The following SLC35F1 variants were observed in gnomAD, a reference collection of about 807,000 sequenced individuals.
SLC35F1 encodes the protein chromosome 6 open reading frame 169.
Under a neutral mutation model 48.7 loss-of-function variants are expected in SLC35F1, and 14 were observed. The ratio of observed to expected loss-of-function variants is 0.29; its 90% CI spans 0.19 to 0.45. The LOEUF (loss-of-function observed/expected upper bound fraction) is 0.45. Ranked by LOEUF, SLC35F1 falls within the 20% of genes least tolerant of loss-of-function variation. The pLI is 1.00. For synonymous variants in SLC35F1, 190 were observed against 202.2 expected (o/e 0.94, Z 0.51); for missense variants, 404 against 500.0 (o/e 0.81, Z 1.83).
At chr6:118,043,948 C>T (rs1772264329) in intron 1 of SLC35F1, among the ~76,000 whole-genome samples, 1 of 152,138 alleles carries the variant, frequency 6.6e-6, no homozygotes, top group Admixed American at 6.5e-5. Context: ...GACCTATTCC[C>T]CTTGGTTTTG....
At chr6:118,021,489 A>C (rs567961403) in intron 1 of SLC35F1, among the ~76,000 whole-genome samples, 19 of 152,292 alleles carry the variant, frequency 1.2e-4, no homozygotes, top group Non-Finnish European at 2.9e-5. Context: ...TGTTCTTGGC[A>C]GACCTGGAAG....
At chr6:118,098,155 T>G (rs980542454) in intron 1 of SLC35F1, among the ~76,000 whole-genome samples, 1 of 152,240 alleles carries the variant, frequency 6.6e-6, no homozygotes, top group African/African-American at 2.4e-5. Context: ...ACTTCACAAT[T>G]GTATAGGTGT....
intron 1 of SLC35F1, among the ~76,000 whole-genome samples, chr6:118,056,866 A>C (rs1772469937): frequency 6.6e-6 from 1 of 152,160 alleles, no homozygotes; most frequent in Non-Finnish European, 1.5e-5. Context: ...CTAAGAAACA[A>C]AAAGGTTAAG....
intron 1 of SLC35F1, among the ~76,000 whole-genome samples, chr6:117,934,845 G>A (rs914554822): frequency 4.6e-5 from 7 of 152,128 alleles, no homozygotes; most frequent in Admixed American, 3.9e-4. Flanking sequence ...GGCAGCTCTC[G>A]CCTGTCATCC....
At chr6:118,213,181 C>G (rs192881912) in intron 2 of SLC35F1, among the ~76,000 whole-genome samples, 163 of 152,280 alleles carry the variant, frequency 1.1e-3, no homozygotes, top group African/African-American at 3.8e-3. Flanking sequence ...TTAATTATAA[C>G]CCACTATATT....
In SLC35F1 at chr6:118,174,110, T is replaced by A. The variant is rs182567242; in HGVS notation, c.349+19490T>A. 2.6e-5 allele frequency among the ~76,000 whole-genome samples: 4 copies of A among 152,276 alleles called. No homozygotes were observed. The East Asian group carries it at 7.7e-4, about 29-fold the overall frequency. On this transcript the variant is annotated intron_variant, in intron 2 of 7. Coordinates refer to ENST00000360388, the MANE Select transcript of SLC35F1 (RefSeq NM_001029858.4). ...AAGTGAAATGGCATGGACTTAGAAG[T>A]AAATATTGCTTAGTTCAGTCTCTAC...
intron 1 of SLC35F1, among the ~76,000 whole-genome samples, chr6:117,927,605 A>G (rs1444462904): frequency 6.6e-6 from 1 of 152,188 alleles, no homozygotes; most frequent in East Asian, 1.9e-4. Context: ...CACACCTGGA[A>G]GCTGATGAAA....
chr6:118,002,517 G>T (rs967193426), intron 1 of SLC35F1, among the ~76,000 whole-genome samples: 1 of 151,584 alleles, frequency 6.6e-6, no homozygotes, highest in African/African-American at 2.4e-5. Context: ...GAGTTAATGG[G>T]TGCAGCACAC....
chr6:118,083,695 G>A (rs1274929214), intron 1 of SLC35F1, among the ~76,000 whole-genome samples: 4 of 152,146 alleles, frequency 2.6e-5, no homozygotes, highest in South Asian at 2.1e-4. Context: ...GTGGTGGATC[G>A]TGATTGGTAT....
intron 1 of SLC35F1, among the ~76,000 whole-genome samples, chr6:118,102,766 C>A (rs751209247): frequency 2.0e-5 from 3 of 152,166 alleles, no homozygotes; most frequent in Non-Finnish European, 2.9e-5. Flanking sequence ...AGAGGCAAAA[C>A]CAATGCTTTG....
At chr6:118,049,692 G>T (rs1471418700) in intron 1 of SLC35F1, among the ~76,000 whole-genome samples, 2 of 151,786 alleles carry the variant, frequency 1.3e-5, no homozygotes, top group Non-Finnish European at 2.9e-5. Flanking sequence ...TTAGAATGGC[G>T]ATCATTAAAA....
chr6:118,274,539 A>G (rs956907272), intron 4 of SLC35F1, among the ~76,000 whole-genome samples: 3 of 152,054 alleles, frequency 2.0e-5, no homozygotes, highest in Admixed American at 6.6e-5. Flanking sequence ...CTGGGATTAC[A>G]GGCACCCGCC....
chr6:117,957,786 G>A (rs1041069844), intron 1 of SLC35F1, among the ~76,000 whole-genome samples: 19 of 152,312 alleles, frequency 1.2e-4, no homozygotes, highest in African/African-American at 4.6e-4. Flanking sequence ...TGTGTTGCCA[G>A]TTGCATAAAA....
chr6:118,235,397 G>C, intron 2 of SLC35F1, 112 bp from the exon 3 acceptor site: 2 of 1,015,704 alleles, frequency 2.0e-6, no homozygotes, highest in East Asian at 2.7e-5. Context: ...TAAATATTTG[G>C]TAAACTTTAG....
chr6:118,242,749 C>T (rs1465538950), intron 3 of SLC35F1, among the ~76,000 whole-genome samples: 2 of 152,148 alleles, frequency 1.3e-5, no homozygotes, highest in East Asian at 3.8e-4. Flanking sequence ...GACTAAAATG[C>T]AAACAGATTA....
intron 1 of SLC35F1, among the ~76,000 whole-genome samples, chr6:118,133,105 T>C (rs1014147860): frequency 6.6e-6 from 1 of 152,116 alleles, no homozygotes; most frequent in Non-Finnish European, 1.5e-5. Flanking sequence ...TCAAGAGTTA[T>C]ATGGTGTATC....
At chr6:118,001,866 G>A (rs1462936044) in intron 1 of SLC35F1, among the ~76,000 whole-genome samples, 4 of 151,738 alleles carry the variant, frequency 2.6e-5, no homozygotes, top group Non-Finnish European at 4.4e-5. Context: ...ACTATCACTG[G>A]CCATCAGAGA....
chr6:118,296,514 C>G (rs972703302), intron 7 of SLC35F1, among the ~76,000 whole-genome samples: 2 of 152,176 alleles, frequency 1.3e-5, no homozygotes, highest in Non-Finnish European at 2.9e-5. Flanking sequence ...CTGGTCTCTG[C>G]TACACTAGCA....
intron 4 of SLC35F1, among the ~76,000 whole-genome samples, chr6:118,269,995 T>C (rs760540399): frequency 1.3e-5 from 2 of 152,138 alleles, no homozygotes; most frequent in Non-Finnish European, 2.9e-5. Context: ...ACCACTGCAC[T>C]CTAGCCTGGG....
Sources: gnomAD v4.1 joint callset for allele counts (sites outside exome capture counted in the v4.1 genomes callset) on GRCh38, gnomAD v4.1.1 for gene constraint, MANE v1.5 for transcripts, NCBI Gene and HGNC (gene_info 2026-07-23, HGNC 2026-07-21) for gene names.